Variants in HDAC9 observed in about 807,000 individuals in gnomAD.
HDAC9 encodes the protein MEF-2 interacting transcription repressor (MITR) protein.
In HDAC9, 41 loss-of-function variants were observed where a neutral mutation model predicts 139.4. The ratio of observed to expected loss-of-function variants is 0.29; its 90% CI spans 0.23 to 0.38. HDAC9 has a LOEUF of 0.38. HDAC9 is among the 10% of genes least tolerant of loss of function. The probability of loss-of-function intolerance (pLI) is 1.00; values close to 1 mark genes in which losing one functional copy is unlikely to be tolerated. For missense variants in HDAC9, 1,147 were observed against 1,297.0 expected, an observed-to-expected ratio of 0.88 and a Z score of 1.78; for synonymous variants, 517 against 476.2, an observed-to-expected ratio of 1.09 and a Z score of -1.12.
intron 22 of HDAC9, among the ~76,000 whole-genome samples, chr7:18,907,298 C>G (rs1244198897): frequency 6.6e-6 from 1 of 152,092 alleles, no homozygotes; most frequent in Non-Finnish European, 1.5e-5. Context: ...AAAAATATTT[C>G]CCAAGTGAAA....
intron 13 of HDAC9, among the ~76,000 whole-genome samples, chr7:18,745,395 C>T (rs1442127772): frequency 3.3e-5 from 5 of 152,002 alleles, no homozygotes; most frequent in Non-Finnish European, 4.4e-5. Context: ...ACCTGTTTCA[C>T]AATTATTTTT....
chr7:18,419,572 A>T (rs1316967420), intron 1 of HDAC9, among the ~76,000 whole-genome samples: 1 of 152,012 alleles, frequency 6.6e-6, no homozygotes, highest in African/African-American at 2.4e-5. Flanking sequence ...AGGAGAAACG[A>T]CTCTATTCTA....
chr7:18,269,557 C>T (rs945355716), intron 2 of HDAC9, among the ~76,000 whole-genome samples: 4 of 151,878 alleles, frequency 2.6e-5, no homozygotes, highest in South Asian at 2.1e-4. Context: ...TCATTGTGTT[C>T]GAAATATGAG....
intron 2 of HDAC9, among the ~76,000 whole-genome samples, chr7:18,497,509 G>A (rs1040806937): frequency 2.0e-5 from 3 of 152,072 alleles, no homozygotes; most frequent in African/African-American, 7.2e-5. Flanking sequence ...CATGGAATCA[G>A]AATAAAATAT....
intron 1 of HDAC9, among the ~76,000 whole-genome samples, chr7:18,320,100 A>T (rs1262439098): frequency 6.6e-6 from 1 of 152,236 alleles, no homozygotes; most frequent in Admixed American, 6.5e-5. Flanking sequence ...TAACAGGCTC[A>T]TCAGCAAATC....
intron 2 of HDAC9, among the ~76,000 whole-genome samples, chr7:18,199,745 T>C (rs975485798): frequency 7.7e-6 from 1 of 129,236 alleles, no homozygotes; most frequent in African/African-American, 3.0e-5. Flanking sequence ...AGTGAAGTCA[T>C]GTGTCTACCA....
At chr7:18,912,721 T>C (rs552772951) in intron 22 of HDAC9, among the ~76,000 whole-genome samples, 2 of 152,228 alleles carry the variant, frequency 1.3e-5, no homozygotes, top group Admixed American at 1.3e-4. Context: ...ATTGGTCAGA[T>C]TTTAATTTTA....
chr7:18,391,389 C>G (rs55697138), intron 1 of HDAC9, among the ~76,000 whole-genome samples: 5 of 150,228 alleles, frequency 3.3e-5, no homozygotes, highest in Non-Finnish European at 5.9e-5. Flanking sequence ...CATCCCCCCC[C>G]CAAAAAAAAA....
At chr7:18,598,994 A>G (rs777032100) in intron 6 of HDAC9, among the ~76,000 whole-genome samples, 23 of 152,200 alleles carry the variant, frequency 1.5e-4, no homozygotes, top group Non-Finnish European at 3.1e-4. Flanking sequence ...TGGGTAACAT[A>G]GGGAGACCCT....
chr7:18,344,182 T>C (rs930319579), intron 1 of HDAC9, among the ~76,000 whole-genome samples: 3 of 151,944 alleles, frequency 2.0e-5, no homozygotes, highest in African/African-American at 7.2e-5. Flanking sequence ...GAAATGTCTT[T>C]TCAAAAATTA....
chr7:18,443,866 ATATATACATTTGTATAACATTTG>A (rs1298909766), intron 1 of HDAC9, among the ~76,000 whole-genome samples: 4 of 151,652 alleles, frequency 2.6e-5, no homozygotes, highest in Non-Finnish European at 5.9e-5. Context: ...TTGTATAAAC[ATATATACATTTGTATAACATTTG>A]TATATACATT....
chr7:18,474,800 G>C (rs1222946824), intron 1 of HDAC9, among the ~76,000 whole-genome samples: 1 of 151,944 alleles, frequency 6.6e-6, no homozygotes, highest in Non-Finnish European at 1.5e-5. Context: ...AGGAGAAAAA[G>C]TGAATGAATA....
intron 1 of HDAC9, among the ~76,000 whole-genome samples, chr7:18,353,856 A>G (rs1585323489): frequency 6.6e-6 from 1 of 152,324 alleles, no homozygotes; most frequent in East Asian, 1.9e-4. Flanking sequence ...GATAGGTTTT[A>G]TAGAAACACA....
At chr7:18,445,044 G>C (rs1792160381) in intron 1 of HDAC9, among the ~76,000 whole-genome samples, 1 of 152,144 alleles carries the variant, frequency 6.6e-6, no homozygotes, top group East Asian at 1.9e-4. Context: ...ACTATGGCCT[G>C]AAAAATTCCT....
At chr7:18,169,609 C>A (rs1289786833) in intron 2 of HDAC9, among the ~76,000 whole-genome samples, 1 of 152,146 alleles carries the variant, frequency 6.6e-6, no homozygotes, top group Non-Finnish European at 1.5e-5. Flanking sequence ...ATCCCTCCCC[C>A]TGTCCCCCAC....
intron 25 of HDAC9, among the ~76,000 whole-genome samples, chr7:18,983,235 G>T (rs1785077593): frequency 6.6e-6 from 1 of 152,258 alleles, no homozygotes; most frequent in East Asian, 1.9e-4. Context: ...TTCACTTAGT[G>T]TAATGTCCTT....
chr7:18,349,742 C>T (rs1472732866), intron 1 of HDAC9, among the ~76,000 whole-genome samples: 5 of 151,612 alleles, frequency 3.3e-5, no homozygotes, highest in African/African-American at 9.7e-5. Flanking sequence ...TTACTTTTCA[C>T]GCCAACAGGA....
chr7:18,788,351 C>G (rs558568480), intron 16 of HDAC9, among the ~76,000 whole-genome samples: 104 of 152,270 alleles, frequency 6.8e-4, no homozygotes, highest in African/African-American at 2.2e-3. Flanking sequence ...TCTACAGGAA[C>G]CAAGAGCATC....
rs559392321 is a variant in HDAC9 at position 18,996,294 on chromosome 7, C to T, written c.*232C>T. On this transcript the variant is annotated 3_prime_UTR_variant, in exon 26 of 26. Transcript: ENST00000686413. ...GTGATTCTAGAGTTACAGTAAACCA[C>T]GATTGGAAGAAACTGCTTCCAGCAT... 14 of 438,226 alleles carry T rather than the reference C, an allele frequency of 3.2e-5. No individual in the cohort carries two copies. Among genetic ancestry groups the T allele is most frequent in the South Asian group, 5.4e-5 (2 of 36,778 alleles). The allele number at this position is 438,226 out of a possible 1,614,324, so 27.1% of individuals were successfully genotyped here. A position where few individuals can be genotyped will look rare whatever the true frequency, so the allele number is the denominator to read the frequency against.
Sources: allele counts gnomAD v4.1 joint callset (sites outside exome capture counted in the v4.1 genomes callset), GRCh38; gene constraint gnomAD v4.1.1; transcripts MANE v1.5; gene names NCBI Gene and HGNC (gene_info 2026-07-23, HGNC 2026-07-21).